Variants in PBLD observed in about 807,000 individuals in gnomAD.
The protein encoded by PBLD is phenazine biosynthesis-like domain-containing protein.
Under a neutral mutation model 31.3 loss-of-function variants are expected in PBLD, and 26 were observed. The ratio of observed to expected loss-of-function variants is 0.83; its 90% CI spans 0.61 to 1.15. PBLD has a LOEUF of 1.15. Among genes scored for constraint, PBLD ranks in the 50% most tolerant of loss-of-function variants. The probability of loss-of-function intolerance (pLI) is 0.00; values close to 1 mark genes in which losing one functional copy is unlikely to be tolerated. For missense variants in PBLD, 307 were observed against 351.7 expected, an observed-to-expected ratio of 0.87 and a Z score of 1.02; for synonymous variants, 114 against 129.0, an observed-to-expected ratio of 0.88 and a Z score of 0.79.
intron 1 of PBLD, among the ~76,000 whole-genome samples, chr10:68,307,389 G>A (rs2044595870): frequency 6.6e-6 from 1 of 152,084 alleles, no homozygotes; most frequent in African/African-American, 2.4e-5. Flanking sequence ...TGGCTAAATT[G>A]ATTTTTTCCA....
intron 1 of PBLD, among the ~76,000 whole-genome samples, chr10:68,321,124 G>A (rs1246097396): frequency 1.3e-5 from 2 of 151,924 alleles, no homozygotes; most frequent in Admixed American, 6.6e-5. Context: ...CCCTAGCCCC[G>A]ACCCCTTTTA....
intron 1 of PBLD, among the ~76,000 whole-genome samples, chr10:68,315,595 GA>G (rs1034233534): frequency 2.0e-5 from 3 of 148,584 alleles, no homozygotes; most frequent in Non-Finnish European, 4.5e-5. Flanking sequence ...AAAAAGACAA[GA>G]AAAAAAAAGC....
intron 1 of PBLD, among the ~76,000 whole-genome samples, chr10:68,319,052 A>G (rs900475213): frequency 1.8e-5 from 2 of 108,760 alleles, no homozygotes; most frequent in Non-Finnish European, 3.5e-5. Flanking sequence ...AAAGAAAGAG[A>G]GAGAAAGAAA....
At chr10:68,291,954 C>T in intron 6 of PBLD, 56 bp downstream of exon 6, 1 of 1,494,174 alleles carries the variant, frequency 6.7e-7, no homozygotes, top group Non-Finnish European at 9.3e-7. Flanking sequence ...GATACCAAAT[C>T]TTTGTGTGCA....
chr10:68,286,026 G>A (rs1050773733), intron 8 of PBLD, among the ~76,000 whole-genome samples: 6 of 149,876 alleles, frequency 4.0e-5, no homozygotes, highest in Non-Finnish European at 7.4e-5. Flanking sequence ...TTTAATTCTT[G>A]TCTTGTCTAC....
intron 2 of PBLD, among the ~76,000 whole-genome samples, chr10:68,305,850 G>T (rs554872216): frequency 1.3e-5 from 2 of 152,226 alleles, no homozygotes; most frequent in South Asian, 4.1e-4. Context: ...AAGTTCCTTG[G>T]GTGATTTTCA....
At chr10:68,320,587 T>C (rs557268241) in intron 1 of PBLD, among the ~76,000 whole-genome samples, 141 of 152,306 alleles carry the variant, frequency 9.3e-4, no homozygotes, top group Non-Finnish European at 1.7e-3. Flanking sequence ...TAATACCTAA[T>C]ATGATGTAAA....
At chr10:68,329,967 T>A (rs1052680815) in intron 1 of PBLD, among the ~76,000 whole-genome samples, 2 of 152,102 alleles carry the variant, frequency 1.3e-5, no homozygotes, top group South Asian at 2.1e-4. Context: ...AGGCACTTCA[T>A]CTGTAAAATG....
chr10:68,290,438 G>T (rs1160833011), intron 6 of PBLD, among the ~76,000 whole-genome samples: 1 of 152,066 alleles, frequency 6.6e-6, no homozygotes, highest in African/African-American at 2.4e-5. Flanking sequence ...AAGTTCAGGG[G>T]TGGGCGCGGT....
chr10:68,324,112 T>C (rs991316068), intron 1 of PBLD, among the ~76,000 whole-genome samples: 1 of 152,162 alleles, frequency 6.6e-6, no homozygotes, highest in African/African-American at 2.4e-5. Flanking sequence ...GCACAGCCTT[T>C]CTACTCAAGC....
intron 1 of PBLD, among the ~76,000 whole-genome samples, chr10:68,326,912 T>C (rs939012816): frequency 6.6e-6 from 1 of 152,156 alleles, no homozygotes; most frequent in African/African-American, 2.4e-5. Flanking sequence ...CTGGGTGTGG[T>C]GGCACATGCC....
At chr10:68,322,702 A>G (rs557674981) in intron 1 of PBLD, among the ~76,000 whole-genome samples, 1 of 152,018 alleles carries the variant, frequency 6.6e-6, no homozygotes, top group Admixed American at 6.5e-5. Context: ...GTAATTTCAT[A>G]ACTTGTGACA....
intron 1 of PBLD, among the ~76,000 whole-genome samples, chr10:68,317,202 C>T (rs547285643): frequency 2.6e-5 from 4 of 152,292 alleles, no homozygotes; most frequent in Admixed American, 2.0e-4. Flanking sequence ...AATTCTATGT[C>T]TAGCAAAACT....
At chr10:68,313,833 A>G (rs896896996) in intron 1 of PBLD, among the ~76,000 whole-genome samples, 1 of 152,220 alleles carries the variant, frequency 6.6e-6, no homozygotes, top group Non-Finnish European at 1.5e-5. Context: ...AAAAGACAAC[A>G]ACAACAACAA....
intron 2 of PBLD, among the ~76,000 whole-genome samples, chr10:68,298,955 A>C (rs1427674766): frequency 2.0e-5 from 3 of 151,856 alleles, no homozygotes; most frequent in Admixed American, 6.6e-5. Context: ...AAATACAAAA[A>C]AATTAGCCGA....
At chr10:68,316,104 T>C (rs1589668669) in intron 1 of PBLD, among the ~76,000 whole-genome samples, 2 of 152,000 alleles carry the variant, frequency 1.3e-5, no homozygotes, top group African/African-American at 4.8e-5. Flanking sequence ...AAGTATACCA[T>C]ACAAAGAATA....
At chr10:68,329,459 A>C (rs2044977247) in intron 1 of PBLD, among the ~76,000 whole-genome samples, 1 of 152,254 alleles carries the variant, frequency 6.6e-6, no homozygotes, top group African/African-American at 2.4e-5. Context: ...GAATTCAAGC[A>C]AGGAGTGAAG....
chr10:68,284,388 T>C, intron 9 of PBLD, 99 bp from the exon 10 acceptor site: 1 of 1,014,278 alleles, frequency 9.9e-7, no homozygotes, highest in Non-Finnish European at 1.5e-6. Context: ...TCCTCCCAGA[T>C]CAGTTTCAAG....
At chr10:68,304,832 C>T (rs1287204483) in intron 2 of PBLD, among the ~76,000 whole-genome samples, 1 of 152,140 alleles carries the variant, frequency 6.6e-6, no homozygotes, top group African/African-American at 2.4e-5. Context: ...GTTGTGTCTG[C>T]CAGATTGTTT....
Sources: gnomAD v4.1 joint callset for allele counts (sites outside exome capture counted in the v4.1 genomes callset) on GRCh38, gnomAD v4.1.1 for gene constraint, MANE v1.5 for transcripts, NCBI Gene and HGNC (gene_info 2026-07-23, HGNC 2026-07-21) for gene names.